The following RCBTB1 variants were observed in gnomAD, a reference collection of about 807,000 sequenced individuals.
The protein encoded by RCBTB1 is RCC1 and BTB domain-containing protein 1.
Under a neutral mutation model 62.4 loss-of-function variants are expected in RCBTB1, and 46 were observed. The ratio of observed to expected loss-of-function variants is 0.74; its 90% CI spans 0.58 to 0.94. The LOEUF (loss-of-function observed/expected upper bound fraction) is 0.94. Ranked by LOEUF, RCBTB1 falls within the 40% of genes least tolerant of loss-of-function variation. The probability of loss-of-function intolerance (pLI) is 0.00; values close to 1 mark genes in which losing one functional copy is unlikely to be tolerated. For synonymous variants in RCBTB1, 222 were observed against 245.8 expected (o/e 0.90, Z 0.91); for missense variants, 565 against 654.9 (o/e 0.86, Z 1.50).
At chr13:49,549,192 T>G (rs1413444333) in intron 9 of RCBTB1, among the ~76,000 whole-genome samples, 1 of 150,808 alleles carries the variant, frequency 6.6e-6, no homozygotes, top group Non-Finnish European at 1.5e-5. Flanking sequence ...GCAACTAAAC[T>G]GTACCCTTTA....
At chr13:49,540,583 CT>C (rs1404385361) in intron 12 of RCBTB1, among the ~76,000 whole-genome samples, 1 of 152,236 alleles carries the variant, frequency 6.6e-6, no homozygotes, top group Non-Finnish European at 1.5e-5. Context: ...CTAAAATATG[CT>C]GTTTGTTAGT....
intron 12 of RCBTB1, among the ~76,000 whole-genome samples, chr13:49,538,965 A>G (rs1221804278): frequency 1.3e-5 from 2 of 150,276 alleles, no homozygotes; most frequent in African/African-American, 4.9e-5. Context: ...TCCCTCCCAG[A>G]TTCAAGCAAT....
intron 4 of RCBTB1, among the ~76,000 whole-genome samples, chr13:49,565,138 C>A (rs1962822026): frequency 1.3e-5 from 2 of 152,326 alleles, no homozygotes; most frequent in East Asian, 3.9e-4. Flanking sequence ...CCTCAGCCTG[C>A]CGAGTGCCTG....
At chr13:49,541,271 C>T (rs1960339870) in intron 11 of RCBTB1, among the ~76,000 whole-genome samples, 1 of 152,078 alleles carries the variant, frequency 6.6e-6, no homozygotes, top group South Asian at 2.1e-4. Context: ...TTCTAAAACG[C>T]TAAATGCATT....
intron 2 of RCBTB1, among the ~76,000 whole-genome samples, chr13:49,580,231 C>T (rs1357272669): frequency 6.6e-6 from 1 of 151,976 alleles, no homozygotes; most frequent in Admixed American, 6.6e-5. Context: ...CTTTGTTAAA[C>T]CAAACAAACA....
At chr13:49,574,301 T>C (rs1963619627) in intron 2 of RCBTB1, among the ~76,000 whole-genome samples, 1 of 151,050 alleles carries the variant, frequency 6.6e-6, no homozygotes, top group Non-Finnish European at 1.5e-5. Context: ...GTATTTTTAG[T>C]AGAGACGGGG....
intron 12 of RCBTB1, 69 bp downstream of exon 12, chr13:49,540,807 C>CA (rs1267371252): frequency 6.5e-7 from 1 of 1,533,700 alleles, no homozygotes; most frequent in Non-Finnish European, 8.8e-7. Flanking sequence ...ATGCCTCACG[C>CA]AAGAAGCGGG....
At chr13:49,534,994 A>G (rs1026833074) in intron 12 of RCBTB1, among the ~76,000 whole-genome samples, 26 of 146,172 alleles carry the variant, frequency 1.8e-4, no homozygotes, top group African/African-American at 6.6e-4. Flanking sequence ...AGATCGCACC[A>G]CTGCACTCTA....
intron 2 of RCBTB1, among the ~76,000 whole-genome samples, chr13:49,579,518 G>A (rs1354402766): frequency 2.0e-5 from 3 of 152,036 alleles, no homozygotes; most frequent in African/African-American, 4.8e-5. Flanking sequence ...CAGCTACTCT[G>A]GAGGCTGAGG....
rs1451841501 is a variant in RCBTB1 at position 49,532,751 on chromosome 13, G to C, written c.*1371C>G. The C allele has an allele frequency of 6.6e-6, 1 of 152,028 alleles. No individual in the cohort carries two copies. The highest frequency in any genetic ancestry group is 2.4e-5 in the African/African-American group (1 of 41,400). 9.4% of individuals were successfully genotyped at this position (152,028 alleles called of 1,614,324 possible). A position where few individuals can be genotyped will look rare whatever the true frequency, so the allele number is the denominator to read the frequency against. On this transcript the variant is annotated 3_prime_UTR_variant, in exon 13 of 13. Transcript: ENST00000378302. The stretch of plus-strand genomic sequence containing the variant: ...CTTCACCCACTTGTAATTTGGCTCT[G>C]AAAATGTATTCAGGCTCCAGGTTCA...
At chr13:49,555,881 A>C (rs925790576) in intron 5 of RCBTB1, among the ~76,000 whole-genome samples, 1 of 152,172 alleles carries the variant, frequency 6.6e-6, no homozygotes, top group African/African-American at 2.4e-5. Flanking sequence ...CACTTTATAC[A>C]TCTCCGTTTT....
chr13:49,546,482 A>G (rs578022001), intron 9 of RCBTB1: 176 of 225,436 alleles, frequency 7.8e-4, no homozygotes, highest in African/African-American at 3.9e-3. Context: ...GGGATGATTC[A>G]AGCACATTAT....
At chr13:49,575,792 GCTCA>G (rs1326919227) in intron 2 of RCBTB1, among the ~76,000 whole-genome samples, 1 of 152,170 alleles carries the variant, frequency 6.6e-6, no homozygotes, top group Admixed American at 6.6e-5. Context: ...TGGATACTAT[GCTCA>G]CTACCTGGGT....
At chr13:49,561,500 T>C (rs1242120118) in intron 4 of RCBTB1, among the ~76,000 whole-genome samples, 1 of 152,212 alleles carries the variant, frequency 6.6e-6, no homozygotes, top group Non-Finnish European at 1.5e-5. Context: ...TGTTAAAAGC[T>C]ACGGCAGGTG....
intron 4 of RCBTB1, among the ~76,000 whole-genome samples, chr13:49,560,380 T>C (rs1446273952): frequency 6.6e-6 from 1 of 152,206 alleles, no homozygotes. Context: ...CTTTGATTCA[T>C]CTCAATAGTT....
At chr13:49,541,147 C>A in intron 11 of RCBTB1, 141 bp from the exon 12 acceptor site, 2 of 658,810 alleles carry the variant, frequency 3.0e-6, no homozygotes, top group African/African-American at 1.9e-5. Flanking sequence ...TAAATAAATT[C>A]TCTTTTTTAC....
chr13:49,575,702 T>C (rs535220990), intron 2 of RCBTB1, among the ~76,000 whole-genome samples: 2 of 152,044 alleles, frequency 1.3e-5, no homozygotes, highest in East Asian at 3.9e-4. Context: ...TACACGTGGA[T>C]ATAAAGACAG....
chr13:49,573,401 A>G (rs1190505085), intron 2 of RCBTB1, among the ~76,000 whole-genome samples: 1 of 149,662 alleles, frequency 6.7e-6, no homozygotes, highest in East Asian at 1.9e-4. Flanking sequence ...AAGTCCTATC[A>G]GTCTCCTACC....
At chr13:49,552,771 G>A (rs2139189285) in intron 6 of RCBTB1, among the ~76,000 whole-genome samples, 1 of 152,128 alleles carries the variant, frequency 6.6e-6, no homozygotes, top group African/African-American at 2.4e-5. Flanking sequence ...TTGGAGCAGA[G>A]CTGAAGGATG....
Sources: allele counts gnomAD v4.1 joint callset (sites outside exome capture counted in the v4.1 genomes callset), GRCh38; gene constraint gnomAD v4.1.1; transcripts MANE v1.5; gene names NCBI Gene and HGNC (gene_info 2026-07-23, HGNC 2026-07-21).